The following MACO1 variants were observed in gnomAD, a reference collection of about 807,000 sequenced individuals.
The protein encoded by MACO1 is macoilin.
In MACO1, 14 loss-of-function variants were observed where a neutral mutation model predicts 78.7. The observed-to-expected ratio is 0.18, with a 90% confidence interval of 0.12 to 0.28. The LOEUF is 0.28. Among genes scored for constraint, MACO1 ranks in the 10% least tolerant of loss-of-function variants. MACO1 has a pLI of 1.00. For missense variants in MACO1, 501 were observed against 799.0 expected, an observed-to-expected ratio of 0.63 and a Z score of 4.50; for synonymous variants, 288 against 291.6, an observed-to-expected ratio of 0.99 and a Z score of 0.12.
intron 1 of MACO1, among the ~76,000 whole-genome samples, chr1:25,431,453 G>C (rs2042867046): frequency 6.6e-6 from 1 of 150,692 alleles, no homozygotes; most frequent in Admixed American, 6.6e-5. Context: ...GGCCCGCCGG[G>C]GGGAGGGGCG....
chr1:25,445,298 CAAAA>C (rs200267893), intron 1 of MACO1, among the ~76,000 whole-genome samples: 2 of 107,134 alleles, frequency 1.9e-5, no homozygotes, highest in Admixed American at 9.8e-5. Context: ...GACCCTGTCT[CAAAA>C]AAAAAAAAAA....
intron 6 of MACO1, among the ~76,000 whole-genome samples, chr1:25,459,481 A>G (rs2043152488): frequency 8.4e-6 from 1 of 118,850 alleles, no homozygotes. Flanking sequence ...CATTTTAATT[A>G]AAAGAATTTT....
At chr1:25,497,610 T>G (rs1025819246) in intron 10 of MACO1, among the ~76,000 whole-genome samples, 5 of 152,114 alleles carry the variant, frequency 3.3e-5, no homozygotes, top group Non-Finnish European at 4.4e-5. Flanking sequence ...TAGGGTGATG[T>G]TGCTAAAGCA....
chr1:25,431,261 C>T lies in MACO1; in HGVS notation c.80+83C>T, dbSNP rs1027124858. 2.8e-6 allele frequency: 3 copies of T among 1,074,852 alleles called. No homozygotes were observed. In the African/African-American group the frequency reaches 5.0e-5, roughly 18 times the overall value. The allele number at this position is 1,074,852 out of a possible 1,614,324, so 66.6% of individuals were successfully genotyped here. On this transcript the variant is annotated intron_variant, in intron 1 of 10. Transcript: ENST00000374343. ...GAGGGGCCTGGCCCCGTTATGTAACCCCGAGTAGGCCGCACGCCCGCGCCG... is the reference window on the plus strand; with the variant it reads ...GAGGGGCCTGGCCCCGTTATGTAACTCCGAGTAGGCCGCACGCCCGCGCCG...
chr1:25,432,526 T>C (rs2042884917), intron 1 of MACO1, among the ~76,000 whole-genome samples: 1 of 152,230 alleles, frequency 6.6e-6, no homozygotes, highest in South Asian at 2.1e-4. Context: ...CTCTAATCTA[T>C]GCTGGATGAA....
chr1:25,451,267 A>G (rs1274108959), intron 3 of MACO1, among the ~76,000 whole-genome samples: 1 of 152,184 alleles, frequency 6.6e-6, no homozygotes, highest in Non-Finnish European at 1.5e-5. Context: ...AATATTAGGA[A>G]TGGTTGATGA....
chr1:25,450,559 A>G (rs2043056572), intron 3 of MACO1, among the ~76,000 whole-genome samples: 1 of 152,218 alleles, frequency 6.6e-6, no homozygotes. Context: ...AGCTGTCTGG[A>G]CCAATATTCA....
intron 6 of MACO1, among the ~76,000 whole-genome samples, chr1:25,475,422 T>A (rs1215949617): frequency 2.0e-5 from 3 of 150,734 alleles, no homozygotes; most frequent in Non-Finnish European, 4.4e-5. Flanking sequence ...ACCTAAAAAG[T>A]TTATGTTGGC....
intron 6 of MACO1, among the ~76,000 whole-genome samples, chr1:25,477,424 C>T (rs111903974): frequency 6.6e-6 from 1 of 152,102 alleles, no homozygotes; most frequent in Non-Finnish European, 1.5e-5. Context: ...TTTTGAAGCC[C>T]CTTCTCCTAC....
intron 6 of MACO1, among the ~76,000 whole-genome samples, chr1:25,474,371 C>T (rs931496985): frequency 6.6e-6 from 1 of 152,184 alleles, no homozygotes; most frequent in African/African-American, 2.4e-5. Context: ...CTCCCTCTAG[C>T]CCTCTGGCCC....
At chr1:25,490,971 T>A (rs2124612477) in intron 9 of MACO1, among the ~76,000 whole-genome samples, 1 of 152,360 alleles carries the variant, frequency 6.6e-6, no homozygotes, top group East Asian at 1.9e-4. Context: ...TATCTGTATA[T>A]ATTAATTGTT....
intron 4 of MACO1, among the ~76,000 whole-genome samples, chr1:25,455,954 C>T (rs1041244004): frequency 7.2e-5 from 11 of 151,826 alleles, no homozygotes; most frequent in Non-Finnish European, 1.3e-4. Flanking sequence ...AAGTCTCTAC[C>T]CTTTTAGTTT....
rs2043369989 is a variant in MACO1 at position 25,480,932 on chromosome 1, ATATATAT to A, written c.1155-3183_1155-3177del. 2.6e-3 allele frequency among the ~76,000 whole-genome samples: 189 copies of A among 72,860 alleles called. 2 individuals carry two copies. The highest frequency in any genetic ancestry group is 0.014 in the Middle Eastern group (2 of 142). The allele number at this position is 72,860 out of a possible 152,430, so 47.8% of individuals were successfully genotyped here. ...CTTGGTTAAAAAAAAAAAAAAAAAT[ATATATAT>A]ATATATATATATATATATATATATA... On this transcript the variant is annotated intron_variant, in intron 6 of 10. Coordinates refer to ENST00000374343, the MANE Select transcript of MACO1 (RefSeq NM_018202.6).
At chr1:25,471,341 CAA>C (rs34002682) in intron 6 of MACO1, among the ~76,000 whole-genome samples, 121 of 125,126 alleles carry the variant, frequency 9.7e-4, no homozygotes, top group East Asian at 2.9e-3. Flanking sequence ...TCTGTCTCAA[CAA>C]AAAAAAAAAA....
At chr1:25,497,749 G>A (rs375466834) in intron 10 of MACO1, among the ~76,000 whole-genome samples, 1 of 152,168 alleles carries the variant, frequency 6.6e-6, no homozygotes, top group Admixed American at 6.5e-5. Flanking sequence ...TGGTTATGCT[G>A]TATTCCTTGG....
At chr1:25,451,943 GAAAAAAGAAAA>G (rs1427382456) in intron 3 of MACO1, among the ~76,000 whole-genome samples, 7 of 143,174 alleles carry the variant, frequency 4.9e-5, no homozygotes, top group Non-Finnish European at 1.1e-4. Context: ...AAAAAAAAAA[GAAAAAAGAAAA>G]AAAAAAGAAA....
intron 8 of MACO1, among the ~76,000 whole-genome samples, chr1:25,487,853 C>A (rs1346023437): frequency 6.6e-6 from 1 of 152,120 alleles, no homozygotes; most frequent in Non-Finnish European, 1.5e-5. Context: ...ATTGGGAAGC[C>A]AGAAAATCTC....
rs1174399131 is a variant in MACO1 at position 25,485,274 on chromosome 1, G to A, written c.1314-339G>A. On this transcript the variant is annotated intron_variant, in intron 7 of 10. Coordinates refer to ENST00000374343, the MANE Select transcript of MACO1 (RefSeq NM_018202.6). The surrounding 1 kb of genome is among the most constrained non-coding windows in gnomAD (Gnocchi z 4.3). ...TTTGGTGGGACTGAAGTTCTTTCAG[G>A]GTGCTCTGGAACATTAGAATTAGTT... Among the ~76,000 whole-genome samples the A allele has an allele frequency of 6.6e-6, 1 of 152,126 alleles. No individual in the cohort carries two copies. The highest frequency in any genetic ancestry group is 1.5e-5 in the Non-Finnish European group (1 of 68,030).
At chr1:25,449,835 A>G (rs774039506) in intron 3 of MACO1, among the ~76,000 whole-genome samples, 5 of 152,234 alleles carry the variant, frequency 3.3e-5, no homozygotes, top group African/African-American at 1.2e-4. Context: ...CCTGGTCAAC[A>G]TGGTGAAACC....
Sources: allele counts gnomAD v4.1 joint callset (sites outside exome capture counted in the v4.1 genomes callset), GRCh38; gene constraint gnomAD v4.1.1; non-coding constraint Gnocchi (gnomAD v3.1); transcripts MANE v1.5; gene names NCBI Gene and HGNC (gene_info 2026-07-23, HGNC 2026-07-21).